Variants in ST3GAL2 observed in about 807,000 individuals in gnomAD.
ST3GAL2 encodes the protein ST3 beta-galactoside alpha-2,3-sialyltransferase 2.
In ST3GAL2, 16 loss-of-function variants were observed where a neutral mutation model predicts 37.5. That is an observed-to-expected ratio of 0.43 (90% CI 0.29 to 0.65). The LOEUF (loss-of-function observed/expected upper bound fraction) is 0.65, where lower values mean the gene tolerates loss of function less well. Ranked by LOEUF, ST3GAL2 falls within the 30% of genes least tolerant of loss-of-function variation. ST3GAL2 has a pLI of 0.17. For missense variants in ST3GAL2, 383 were observed against 487.8 expected, an observed-to-expected ratio of 0.79 and a Z score of 2.02; for synonymous variants, 238 against 202.9, an observed-to-expected ratio of 1.17 and a Z score of -1.47.
At chr16:70,434,809 C>A (rs1242192508) in intron 1 of ST3GAL2, among the ~76,000 whole-genome samples, 3 of 152,240 alleles carry the variant, frequency 2.0e-5, no homozygotes, top group African/African-American at 7.2e-5. Flanking sequence ...TCAGGAGTCC[C>A]AGGGCCACTG....
intron 1 of ST3GAL2, among the ~76,000 whole-genome samples, chr16:70,425,106 G>C (rs2047741172): frequency 6.6e-6 from 1 of 152,164 alleles, no homozygotes; most frequent in Admixed American, 6.6e-5. Flanking sequence ...CCACTGCTTA[G>C]GAAGCTGAGG....
At chr16:70,396,406 T>TTG (rs2047516718) in intron 2 of ST3GAL2, among the ~76,000 whole-genome samples, 1 of 151,636 alleles carries the variant, frequency 6.6e-6, no homozygotes, top group Non-Finnish European at 1.5e-5. Flanking sequence ...GGATGGGAGA[T>TTG]TGATCTGTAG....
chr16:70,430,309 C>G (rs1474476476), intron 1 of ST3GAL2, among the ~76,000 whole-genome samples: 1 of 152,256 alleles, frequency 6.6e-6, no homozygotes, highest in Non-Finnish European at 1.5e-5. Flanking sequence ...ATGCAGACAG[C>G]TGGGCACTGC....
rs2047405057 is a variant in ST3GAL2 at position 70,381,571 on chromosome 16, G to A, written c.*118C>T. ...CGGTCCCCCAGTCTCGTGATTGGCG[G>A]GGCACAGCAGACGCCCCTGGGCTGC... On this transcript the variant is annotated 3_prime_UTR_variant, in exon 7 of 7. Transcript: ENST00000342907. The A allele has an allele frequency of 7.1e-6, 9 of 1,262,746 alleles. No individual in the cohort carries two copies. In the South Asian group the frequency reaches 1.3e-4, roughly 19 times the overall value. The allele number at this position is 1,262,746 out of a possible 1,614,324, so 78.2% of individuals were successfully genotyped here.
At position 70,388,473 on chromosome 16, in the gene ST3GAL2, C is replaced by G. The variant is rs761964500; in HGVS notation, c.607G>C (p.Glu203Gln). ...SRTTHHFMYPESAKNLPANVS... is the reference protein window; with the variant it reads ...SRTTHHFMYPQSAKNLPANVS... ...TTGGCGGGCAGGTTCTTGGCACTCT[C>G]AGGGTACATGAAATGGTGGGTGGTT... Residue 203 changes from glutamate (E) to glutamine (Q), a missense_variant, in exon 4 of 7, where the codon GAG becomes CAG. Glu to Gln is a conservative substitution (Grantham distance 29). Around this residue, in one of 2 missense-constraint regions of ST3GAL2, gnomAD observed 160 missense variants for 248.6 expected, o/e 0.64. Transcript: ENST00000342907. 3.1e-6 allele frequency: 5 copies of G among 1,614,078 alleles called. No individual in the cohort carries two copies. Among genetic ancestry groups the G allele is most frequent in the Non-Finnish European group, 8.5e-7 (1 of 1,179,990 alleles).
intron 2 of ST3GAL2, among the ~76,000 whole-genome samples, chr16:70,397,324 AG>A (rs1297053657): frequency 6.6e-6 from 1 of 150,606 alleles, no homozygotes; most frequent in Non-Finnish European, 1.5e-5. Flanking sequence ...TACAGGCGTG[AG>A]CCACCATGAC....
chr16:70,421,877 G>A (rs1056507849), intron 1 of ST3GAL2, among the ~76,000 whole-genome samples: 1 of 150,548 alleles, frequency 6.6e-6, no homozygotes, highest in Non-Finnish European at 1.5e-5. Context: ...TGTGAGGCTA[G>A]GGCATCCCCA....
At chr16:70,426,024 A>G (rs1468330615) in intron 1 of ST3GAL2, among the ~76,000 whole-genome samples, 1 of 152,144 alleles carries the variant, frequency 6.6e-6, no homozygotes, top group Non-Finnish European at 1.5e-5. Flanking sequence ...GGGAAGCCTC[A>G]GCAGGGGAGG....
At chr16:70,410,816 T>TG (rs1432031292) in intron 1 of ST3GAL2, among the ~76,000 whole-genome samples, 1 of 150,644 alleles carries the variant, frequency 6.6e-6, no homozygotes, top group Non-Finnish European at 1.5e-5. Context: ...CTGTTTTTTT[T>TG]TTTTTTTTTT....
At chr16:70,409,070 G>A (rs1458633357) in intron 1 of ST3GAL2, among the ~76,000 whole-genome samples, 1 of 152,014 alleles carries the variant, frequency 6.6e-6, no homozygotes, top group African/African-American at 2.4e-5. Flanking sequence ...ACTGTGTTTT[G>A]AGTCGGAGTG....
intron 1 of ST3GAL2, among the ~76,000 whole-genome samples, chr16:70,409,301 G>A (rs932964571): frequency 2.0e-5 from 3 of 152,018 alleles, no homozygotes; most frequent in Non-Finnish European, 4.4e-5. Flanking sequence ...ACCTGTGTGG[G>A]GAAGACCAGG....
At chr16:70,403,249 G>A (rs1024574802) in intron 1 of ST3GAL2, among the ~76,000 whole-genome samples, 4 of 152,156 alleles carry the variant, frequency 2.6e-5, no homozygotes, top group African/African-American at 4.8e-5. Context: ...AGCAGGGTGG[G>A]AAGAGGAAGA....
At chr16:70,428,747 C>T (rs2047768438) in intron 1 of ST3GAL2, among the ~76,000 whole-genome samples, 1 of 152,178 alleles carries the variant, frequency 6.6e-6, no homozygotes, top group South Asian at 2.1e-4. Flanking sequence ...CTCTTCTCTA[C>T]AGTGAGATCC....
At chr16:70,404,262 G>A (rs1310506244) in intron 1 of ST3GAL2, among the ~76,000 whole-genome samples, 3 of 152,150 alleles carry the variant, frequency 2.0e-5, no homozygotes, top group Non-Finnish European at 4.4e-5. Flanking sequence ...GAGGCAGGGG[G>A]AAAAACAGCC....
rs1228027585 is a variant in ST3GAL2, at chr16:70,398,973, C to T, written c.-443G>A. On this transcript the variant is annotated 5_prime_UTR_variant, in exon 2 of 7. Coordinates refer to ENST00000342907, the MANE Select transcript of ST3GAL2 (RefSeq NM_006927.4). The stretch of plus-strand genomic sequence containing the variant: ...TTCATGAGCAGACAATGAGGCGGCC[C>T]CTCGTTCCCGGCAGCGGGGAAGCCC... 8 of 414,290 alleles carry T rather than the reference C, an allele frequency of 1.9e-5. No homozygotes were observed. Among genetic ancestry groups the T allele is most frequent in the Non-Finnish European group, 3.4e-5 (8 of 234,696 alleles). The allele number at this position is 414,290 out of a possible 1,614,324, so 25.7% of individuals were successfully genotyped here. A position where few individuals can be genotyped will look rare whatever the true frequency, so the allele number is the denominator to read the frequency against.
Position 70,381,516 on chromosome 16 carries a change from A to G in ST3GAL2, c.*173T>C. ...CTGGGAGAAACAGAAGCTCCGCCCG[A>G]CCGCAGCGCAGATTGGTGCCAGGCC... On this transcript the variant is annotated 3_prime_UTR_variant, in exon 7 of 7. Coordinates refer to ENST00000342907, the MANE Select transcript of ST3GAL2 (RefSeq NM_006927.4). The G allele has an allele frequency of 1.4e-6, 1 of 730,710 alleles. No individual in the cohort carries two copies. Among genetic ancestry groups the G allele is most frequent in the East Asian group, 2.8e-5 (1 of 35,970 alleles). 45.3% of individuals were successfully genotyped at this position (730,710 alleles called of 1,614,324 possible).
At chr16:70,392,609 G>A (rs1205434168) in intron 3 of ST3GAL2, among the ~76,000 whole-genome samples, 1 of 152,154 alleles carries the variant, frequency 6.6e-6, no homozygotes, top group African/African-American at 2.4e-5. Context: ...ACTTGAAGTG[G>A]TCCACAGGGC....
At chr16:70,401,121 T>A (rs1413882166) in intron 1 of ST3GAL2, 1 of 152,350 alleles carries the variant, frequency 6.6e-6, no homozygotes, top group East Asian at 1.9e-4. Context: ...ATGAGGCAGG[T>A]GGCCCTGGAA....
intron 3 of ST3GAL2, chr16:70,393,828 T>C (rs2047497866): frequency 6.6e-6 from 1 of 152,174 alleles, no homozygotes; most frequent in Admixed American, 6.5e-5. Context: ...GACATATTGC[T>C]GCCTTCGTGT....
Sources: gnomAD v4.1 joint callset for allele counts (sites outside exome capture counted in the v4.1 genomes callset) on GRCh38, gnomAD v4.1.1 for gene constraint, gnomAD v4.1.1 regional missense constraint, MANE v1.5 for transcripts, NCBI Gene and HGNC (gene_info 2026-07-23, HGNC 2026-07-21) for gene names.